The following RBM33 variants were observed in gnomAD, a reference collection of about 807,000 sequenced individuals.
RBM33 encodes RNA-binding protein 33.
In RBM33, 28 loss-of-function variants were observed where a neutral mutation model predicts 132.6. The ratio of observed to expected loss-of-function variants is 0.21; its 90% CI spans 0.16 to 0.29. The LOEUF is 0.29. RBM33 is among the 10% of genes least tolerant of loss of function. The pLI is 1.00. For missense variants in RBM33, 1,291 were observed against 1,518.5 expected, an observed-to-expected ratio of 0.85 and a Z score of 2.49; for synonymous variants, 634 against 593.0, an observed-to-expected ratio of 1.07 and a Z score of -1.01.
intron 9 of RBM33, among the ~76,000 whole-genome samples, chr7:155,725,210 T>G (rs1486344574): frequency 1.9e-4 from 17 of 91,258 alleles, no homozygotes; most frequent in Non-Finnish European, 2.4e-4. Flanking sequence ...GTTGTTTTTT[T>G]TTTTTTTTTT....
chr7:155,744,266 A>G (rs1308579655), intron 13 of RBM33, among the ~76,000 whole-genome samples: 1 of 152,212 alleles, frequency 6.6e-6, no homozygotes, highest in African/African-American at 2.4e-5. Context: ...TTAACTTTTT[A>G]TACATTTTCC....
rs113181766 is a variant in RBM33 at position 155,742,040 on chromosome 7, G to A, written c.2271G>A (p.Thr757=). 28 of 1,613,972 alleles carry A rather than the reference G, an allele frequency of 1.7e-5. No individual in the cohort carries two copies. Among genetic ancestry groups the A allele is most frequent in the African/African-American group, 1.2e-4 (9 of 75,036 alleles). The change falls in exon 13 of 18, where the codon ACG becomes ACA. Residue 757 remains threonine, a synonymous_variant. Coordinates refer to ENST00000401878, the MANE Select transcript of RBM33 (RefSeq NM_053043.3). The stretch of plus-strand genomic sequence containing the variant: ...GTTCCAGAAGCTCACAGGGAAAGAC[G>A]GAAGTGAAAGTCAAGCCAGCTAGCC... ...VAGSRSSQGK[T]EVKVKPASPV...
chr7:155,657,813 A>G (rs1161811077), intron 1 of RBM33, among the ~76,000 whole-genome samples: 1 of 152,216 alleles, frequency 6.6e-6, no homozygotes, highest in Admixed American at 6.5e-5. Context: ...GTTTTCATAG[A>G]TAGGGAATGC....
rs1491204659 is a variant in RBM33 at position 155,673,763 on chromosome 7, T to TGCGC, written c.171+851_171+854dup. 3.8e-3 allele frequency among the ~76,000 whole-genome samples: 150 copies of TGCGC among 39,344 alleles called. 16 individuals carry two copies. Among genetic ancestry groups the TGCGC allele is most frequent in the Middle Eastern group, 0.032 (2 of 62 alleles). 25.8% of individuals were successfully genotyped at this position (39,344 alleles called of 152,430 possible). A position where few individuals can be genotyped will look rare whatever the true frequency, so the allele number is the denominator to read the frequency against. ...ATACACACGTGTATATACGCGCGCATGCGCGCACACACACACACACACACA... is the reference window on the plus strand; with the variant it reads ...ATACACACGTGTATATACGCGCGCATGCGCGCGCGCACACACACACACACACACA... On this transcript the variant is annotated intron_variant, in intron 3 of 17. Coordinates refer to ENST00000401878, the MANE Select transcript of RBM33 (RefSeq NM_053043.3).
At position 155,777,954 on chromosome 7, in the gene RBM33, C is replaced by T. The variant is rs1010321892; in HGVS notation, c.*2913C>T. 1 of 152,584 alleles carries T rather than the reference C, an allele frequency of 6.6e-6. No homozygotes were observed. The allele number at this position is 152,584 out of a possible 1,614,324, so 9.5% of individuals were successfully genotyped here. A position where few individuals can be genotyped will look rare whatever the true frequency, so the allele number is the denominator to read the frequency against. On this transcript the variant is annotated 3_prime_UTR_variant, in exon 18 of 18. Coordinates refer to ENST00000401878, the MANE Select transcript of RBM33 (RefSeq NM_053043.3). ...AGCCAAGTTACTTCTTTTCTTTTTG[C>T]ATTATCTTGTTTTGGTTTTGTGCTG... is the stretch of plus-strand genomic sequence containing the variant.
At chr7:155,679,991 T>G (rs1350090199) in intron 4 of RBM33, among the ~76,000 whole-genome samples, 1 of 152,240 alleles carries the variant, frequency 6.6e-6, no homozygotes, top group African/African-American at 2.4e-5. Context: ...TTATGAACAA[T>G]TTTTAAAGAT....
Position 155,774,877 on chromosome 7 carries a change from A to G in RBM33, c.3465-116A>G, listed in dbSNP as rs1397906973. 9.6e-6 allele frequency: 9 copies of G among 939,378 alleles called. No individual in the cohort carries two copies. The highest frequency in any genetic ancestry group is 6.6e-5 in the African/African-American group (4 of 60,596). 58.2% of individuals were successfully genotyped at this position (939,378 alleles called of 1,614,324 possible). ...ATCTTCCCGGGGAATCTGCCTTTTT[A>G]TATGATGCGTTTTTATTAAACAGGA... On this transcript the variant is annotated intron_variant, in intron 17 of 17. Transcript: ENST00000401878. The surrounding 1 kb of genome is among the most constrained non-coding windows in gnomAD (Gnocchi z 4.2).
chr7:155,723,541 C>T (rs994425880), intron 9 of RBM33, among the ~76,000 whole-genome samples: 1 of 152,226 alleles, frequency 6.6e-6, no homozygotes, highest in African/African-American at 2.4e-5. Context: ...ATCATACCAT[C>T]AAATTTAATC....
intron 15 of RBM33, among the ~76,000 whole-genome samples, chr7:155,764,721 C>T (rs1156826635): frequency 6.6e-6 from 1 of 152,250 alleles, no homozygotes; most frequent in Non-Finnish European, 1.5e-5. Flanking sequence ...CCAGTAGCAC[C>T]TGTTGGGTGG....
intron 9 of RBM33, among the ~76,000 whole-genome samples, chr7:155,722,667 T>G (rs1800662416): frequency 6.6e-6 from 1 of 152,220 alleles, no homozygotes; most frequent in South Asian, 2.1e-4. Context: ...TAACATAAAA[T>G]GTCAACTGTT....
intron 9 of RBM33, among the ~76,000 whole-genome samples, chr7:155,729,899 T>C (rs1800905827): frequency 6.6e-6 from 1 of 152,158 alleles, no homozygotes; most frequent in Non-Finnish European, 1.5e-5. Flanking sequence ...CCTCAGGCAG[T>C]TCACTGCCCG....
At chr7:155,695,856 AGTT>A (rs2116949182) in intron 5 of RBM33, among the ~76,000 whole-genome samples, 1 of 152,274 alleles carries the variant, frequency 6.6e-6, no homozygotes, top group South Asian at 2.1e-4. Context: ...TTTACTCCAA[AGTT>A]GTTATCTTGT....
chr7:155,672,801 A>G (rs1798980353), intron 2 of RBM33, 66 bp from the exon 3 acceptor site: 3 of 1,173,178 alleles, frequency 2.6e-6, no homozygotes, highest in Non-Finnish European at 2.4e-6. Flanking sequence ...TAAATTTCCA[A>G]GTGATCTACA....
chr7:155,724,093 C>A (rs1056099329), intron 9 of RBM33, among the ~76,000 whole-genome samples: 2 of 152,098 alleles, frequency 1.3e-5, no homozygotes, highest in South Asian at 4.1e-4. Context: ...GCAGGGAAAT[C>A]TTAGTTACCT....
At chr7:155,714,490 G>A (rs1459842603) in intron 8 of RBM33, among the ~76,000 whole-genome samples, 2 of 152,200 alleles carry the variant, frequency 1.3e-5, no homozygotes, top group African/African-American at 2.4e-5. Flanking sequence ...CCGTCTTTGT[G>A]TTTATTCAGA....
intron 6 of RBM33, among the ~76,000 whole-genome samples, chr7:155,705,745 G>A (rs1352226812): frequency 6.6e-6 from 1 of 152,200 alleles, no homozygotes; most frequent in Non-Finnish European, 1.5e-5. Context: ...TTTCCCTTTA[G>A]GAACCTAGAA....
chr7:155,742,584 C>A (rs1256064089), intron 13 of RBM33, among the ~76,000 whole-genome samples: 1 of 152,188 alleles, frequency 6.6e-6, no homozygotes, highest in East Asian at 1.9e-4. Context: ...CCTGGTGAAT[C>A]CCGTAGGTTT....
At chr7:155,768,357 G>A (rs74522893) in intron 16 of RBM33, among the ~76,000 whole-genome samples, 5,227 of 152,236 alleles carry the variant, frequency 0.034, 301 homozygotes, top group African/African-American at 0.12. Flanking sequence ...ATTTTGTACC[G>A]TGGGTTTGTA....
chr7:155,758,962 C>T (rs950883620), intron 14 of RBM33, among the ~76,000 whole-genome samples: 1 of 152,176 alleles, frequency 6.6e-6, no homozygotes, highest in Non-Finnish European at 1.5e-5. Flanking sequence ...GGTGCAGCGG[C>T]AGGCCCAGGA....
Sources: gnomAD v4.1 joint callset for allele counts (sites outside exome capture counted in the v4.1 genomes callset) on GRCh38, gnomAD v4.1.1 for gene constraint, Gnocchi (gnomAD v3.1) non-coding constraint, MANE v1.5 for transcripts, NCBI Gene and HGNC (gene_info 2026-07-23, HGNC 2026-07-21) for gene names.